Variants in ZSWIM4 observed in about 807,000 individuals in gnomAD.
The protein encoded by ZSWIM4 is zinc finger SWIM domain-containing protein 4.
In ZSWIM4, 62 loss-of-function variants were observed where a neutral mutation model predicts 102.5. The ratio of observed to expected loss-of-function variants is 0.60; its 90% CI spans 0.49 to 0.75. The LOEUF (loss-of-function observed/expected upper bound fraction) is 0.75. Among genes scored for constraint, ZSWIM4 ranks in the 30% least tolerant of loss-of-function variants. ZSWIM4 has a pLI of 0.00. For synonymous variants in ZSWIM4, 652 were observed against 674.5 expected, an observed-to-expected ratio of 0.97 and a Z score of 0.52; for missense variants, 1,280 against 1,529.6, an observed-to-expected ratio of 0.84 and a Z score of 2.72.
chr19:13,804,665 A>G lies in ZSWIM4; in HGVS notation c.356-127A>G, dbSNP rs551055007. On this transcript the variant is annotated intron_variant, in intron 2 of 13. Transcript: ENST00000590508. Reference sequence around the variant, plus strand: ...TTGTTTCAAAAAAAAAAAAAATGCAAAGTGAGTGAGGTGACTTGTGCTAGT... The same window carrying G: ...TTGTTTCAAAAAAAAAAAAAATGCAGAGTGAGTGAGGTGACTTGTGCTAGT... The G allele has an allele frequency of 3.8e-5, 29 of 755,186 alleles. No homozygotes were observed. In the Admixed American group the frequency reaches 6.5e-4, roughly 17 times the overall value. The allele number at this position is 755,186 out of a possible 1,614,324, so 46.8% of individuals were successfully genotyped here. A position where few individuals can be genotyped will look rare whatever the true frequency, so the allele number is the denominator to read the frequency against.
chr19:13,831,185 G>C lies in ZSWIM4; in HGVS notation c.*135G>C. 1 of 1,182,526 alleles carries C rather than the reference G, an allele frequency of 8.5e-7. No homozygotes were observed. The highest frequency in any genetic ancestry group is 1.2e-6 in the Non-Finnish European group (1 of 862,570). 73.3% of individuals were successfully genotyped at this position (1,182,526 alleles called of 1,614,324 possible). On this transcript the variant is annotated 3_prime_UTR_variant, in exon 14 of 14. Coordinates refer to ENST00000590508, the MANE Select transcript of ZSWIM4 (RefSeq NM_001367834.3). ...GCCCGGCTGGAGATGGGGGCAGGGGGAGCAGCATCCTGCCACGTGTGTGCC... is the reference window on the plus strand; with the variant it reads ...GCCCGGCTGGAGATGGGGGCAGGGGCAGCAGCATCCTGCCACGTGTGTGCC...
At position 13,801,973 on chromosome 19, in the gene ZSWIM4, ATT is replaced by A. The variant is rs543183681; in HGVS notation, c.355+2071_355+2072del. On this transcript the variant is annotated intron_variant, in intron 2 of 13. Coordinates refer to ENST00000590508, the MANE Select transcript of ZSWIM4 (RefSeq NM_001367834.3). ...TGTGAGCCACCATGCCCAGCTTAGA[ATT>A]TTTTTTTTTTTTTTTTTTGAGATGG... is the stretch of plus-strand genomic sequence containing the variant. 7.0e-3 allele frequency among the ~76,000 whole-genome samples: 657 copies of A among 94,144 alleles called. 6 individuals are homozygous for A. Among genetic ancestry groups the A allele is most frequent in the African/African-American group, 0.022 (486 of 22,212 alleles). 61.8% of individuals were successfully genotyped at this position (94,144 alleles called of 152,430 possible).
chr19:13,819,654 A>ATTAT (rs539022265), intron 10 of ZSWIM4, among the ~76,000 whole-genome samples, 162 bp downstream of exon 10: 5,339 of 150,304 alleles, frequency 0.036, 168 homozygotes, highest in African/African-American at 0.073. Flanking sequence ...TTTCATTATT[A>ATTAT]TTATTTATTT....
intron 10 of ZSWIM4, among the ~76,000 whole-genome samples, chr19:13,822,722 A>G (rs771197441): frequency 2.0e-5 from 3 of 152,128 alleles, no homozygotes; most frequent in Admixed American, 6.6e-5. Flanking sequence ...GTTCACGCCT[A>G]TAATCCCAGT....
rs765615457 is a variant in ZSWIM4, at chr19:13,804,914, C to G, written c.478C>G (p.Arg160Gly). The G allele has an allele frequency of 2.5e-6, 4 of 1,613,450 alleles. No individual in the cohort carries two copies. Among genetic ancestry groups the G allele is most frequent in the Non-Finnish European group, 3.4e-6 (4 of 1,180,032 alleles). The part of the protein sequence containing the change: ...ITSVSCGCDN[R>G]DLFYCAHVVA... ...GTCCGTGAGCTGCGGCTGTGACAAC[C>G]GCGACCTCTTCTACTGTGCCCACGT... The change falls in exon 3 of 14, where the codon CGC becomes GGC. Residue 160 changes from arginine (R) to glycine (G), a missense_variant. By Grantham distance (125) the Arg-to-Gly change is moderately radical. Transcript: ENST00000590508.
At position 13,808,842 on chromosome 19, in the gene ZSWIM4, C is replaced by G; in HGVS notation, c.719C>G (p.Pro240Arg). The change falls in exon 4 of 14, where the codon CCA (proline) becomes CGA (arginine). Residue 240 changes from proline (P) to arginine (R), a missense_variant. Physicochemically the swap from Pro to Arg is moderately radical, Grantham distance 103. Coordinates refer to ENST00000590508, the MANE Select transcript of ZSWIM4 (RefSeq NM_001367834.3). ...GSEINLVNGA[P>R]DPTAGAGIED... ...TTTCCCTCCCTCCCGGCAGGTGCCCCAGACCCCACCGCCGGCGCAGGAATC... is the reference window on the plus strand; with the variant it reads ...TTTCCCTCCCTCCCGGCAGGTGCCCGAGACCCCACCGCCGGCGCAGGAATC... 6.2e-7 allele frequency: 1 copy of G among 1,605,314 alleles called. No individual in the cohort carries two copies. Among genetic ancestry groups the G allele is most frequent in the South Asian group, 1.1e-5 (1 of 89,676 alleles).
chr19:13,795,839 C>A, intron 1 of ZSWIM4, 38 bp downstream of exon 1: 2 of 1,194,898 alleles, frequency 1.7e-6, no homozygotes, highest in Non-Finnish European at 2.1e-6. Context: ...AGGGACGCAC[C>A]CCCAGCACCT....
rs748850940 is a variant in ZSWIM4 at position 13,817,774 on chromosome 19, G to C, written c.1722G>C (p.Gly574=). Residue 574 remains glycine (G), a synonymous_variant, in exon 9 of 14, where the codon GGG becomes GGC. Transcript: ENST00000590508. Reference sequence around the variant, plus strand: ...CCTACCAGCACGTGCCTGTGCCCGGGAGCCCTGGGGAGTCCTACTTGGTGC... The same window carrying C: ...CCTACCAGCACGTGCCTGTGCCCGGCAGCCCTGGGGAGTCCTACTTGGTGC... The part of the protein sequence containing the change: ...KVAYQHVPVP[G]SPGESYLVLA... 6.2e-7 allele frequency: 1 copy of C among 1,601,042 alleles called. No individual in the cohort carries two copies. The highest frequency in any genetic ancestry group is 8.5e-7 in the Non-Finnish European group (1 of 1,175,214).
Position 13,825,826 on chromosome 19 carries a change from G to C in ZSWIM4, c.2379+113G>C, listed in dbSNP as rs3745454. On this transcript the variant is annotated intron_variant, in intron 12 of 13. Transcript: ENST00000590508. The surrounding 1 kb of genome is among the most constrained non-coding windows in gnomAD (Gnocchi z 4.6). ...GTGTGAGCCACTTCGCTGGGGGCCC[G>C]GCATTTGCGTGAGCTATTCCTCTGT... is the stretch of plus-strand genomic sequence containing the variant. The C allele has an allele frequency of 7.4e-7, 1 of 1,357,808 alleles. No homozygotes were observed. The highest frequency in any genetic ancestry group is 1.4e-5 in the African/African-American group (1 of 69,046). 84.1% of individuals were successfully genotyped at this position (1,357,808 alleles called of 1,614,324 possible).
intron 5 of ZSWIM4, among the ~76,000 whole-genome samples, chr19:13,810,793 G>A (rs555475130): frequency 2.0e-5 from 3 of 147,564 alleles, no homozygotes; most frequent in East Asian, 2.0e-4. Flanking sequence ...TGTATTTTTA[G>A]TAGCAACGGG....
At position 13,809,817 on chromosome 19, in the gene ZSWIM4, G is replaced by C. The variant is rs8111077; in HGVS notation, c.1012+597G>C. Among the ~76,000 whole-genome samples the C allele has an allele frequency of 6.6e-6, 1 of 151,830 alleles. No homozygotes were observed. Among genetic ancestry groups the C allele is most frequent in the African/African-American group, 2.4e-5 (1 of 41,304 alleles). On this transcript the variant is annotated intron_variant, in intron 5 of 13. Transcript: ENST00000590508. The surrounding 1 kb of genome is among the most constrained non-coding windows in gnomAD (Gnocchi z 4.2). ...TTCTTTTTTTCTTTTTTTAGAGACA[G>C]GATCTCACTGTGCGCCCAGGCTGAA...
intron 10 of ZSWIM4, among the ~76,000 whole-genome samples, chr19:13,820,293 T>C (rs1435486018): frequency 6.6e-6 from 1 of 152,114 alleles, no homozygotes; most frequent in Non-Finnish European, 1.5e-5. Flanking sequence ...CAGAGTAAAG[T>C]GGTGCCATCT....
chr19:13,830,129 G>T (rs1257921134), intron 13 of ZSWIM4, 62 bp from the exon 14 acceptor site: 2 of 1,556,164 alleles, frequency 1.3e-6, no homozygotes, highest in South Asian at 1.2e-5. Context: ...GTTAACCCAC[G>T]CATACATGTA....
In ZSWIM4 at chr19:13,809,630, C is replaced by CACT. The variant is rs1975019983; in HGVS notation, c.1012+413_1012+415dup. 6.6e-6 allele frequency among the ~76,000 whole-genome samples: 1 copy of CACT among 152,042 alleles called. No homozygotes were observed. The highest frequency in any genetic ancestry group is 6.6e-5 in the Admixed American group (1 of 15,264). ...CCAAGTAGCTGGGTCTACAGGTGCA[C>CACT]ACTACCACATCCAGCTAATTTTTAA... is the stretch of plus-strand genomic sequence containing the variant. On this transcript the variant is annotated intron_variant, in intron 5 of 13. Coordinates refer to ENST00000590508, the MANE Select transcript of ZSWIM4 (RefSeq NM_001367834.3). The surrounding 1 kb of genome is among the most constrained non-coding windows in gnomAD (Gnocchi z 4.2).
chr19:13,817,394 C>T (rs774990794), intron 8 of ZSWIM4, 41 bp downstream of exon 8: 9 of 1,591,108 alleles, frequency 5.7e-6, no homozygotes, highest in Non-Finnish European at 6.9e-6. Context: ...GGGACAACCC[C>T]GCCTCGTTGG....
intron 12 of ZSWIM4, among the ~76,000 whole-genome samples, chr19:13,827,830 C>T (rs1975653137): frequency 6.6e-6 from 1 of 152,022 alleles, no homozygotes; most frequent in Admixed American, 6.6e-5. Context: ...AACACGTGAG[C>T]TGCTGATTGG....
At chr19:13,800,219 C>T (rs1257877081) in intron 2 of ZSWIM4, among the ~76,000 whole-genome samples, 1 of 141,616 alleles carries the variant, frequency 7.1e-6, no homozygotes, top group Non-Finnish European at 1.5e-5. Context: ...CGCCCGCCAC[C>T]GCGCCCAGCT....
At chr19:13,818,815 C>G (rs986609884) in intron 9 of ZSWIM4, among the ~76,000 whole-genome samples, 45 of 150,968 alleles carry the variant, frequency 3.0e-4, no homozygotes, top group Non-Finnish European at 5.7e-4. Flanking sequence ...CTGCCCGCCT[C>G]GGCCTCCCAA....
At chr19:13,797,296 C>A (rs1974637377) in intron 1 of ZSWIM4, among the ~76,000 whole-genome samples, 1 of 152,220 alleles carries the variant, frequency 6.6e-6, no homozygotes, top group African/African-American at 2.4e-5. Flanking sequence ...TCAGCCAGCT[C>A]ACTGTATTGC....
Sources: gnomAD v4.1 joint callset for allele counts (sites outside exome capture counted in the v4.1 genomes callset) on GRCh38, gnomAD v4.1.1 for gene constraint, Gnocchi (gnomAD v3.1) non-coding constraint, MANE v1.5 for transcripts, NCBI Gene and HGNC (gene_info 2026-07-23, HGNC 2026-07-21) for gene names.